The following SDC2 variants were observed in gnomAD, a reference collection of about 807,000 sequenced individuals.
The protein encoded by SDC2 is syndecan-2.
SDC2 carries 13 observed loss-of-function variants against 22.2 expected under a neutral mutation model. The observed-to-expected ratio is 0.59, with a 90% CI of 0.38 to 0.93. The LOEUF is 0.93. SDC2 is among the 40% of genes least tolerant of loss of function. The pLI is 0.00. For synonymous variants in SDC2, 94 were observed against 92.8 expected (o/e 1.01, Z -0.07); for missense variants, 235 against 246.8 (o/e 0.95, Z 0.32).
intron 1 of SDC2, among the ~76,000 whole-genome samples, chr8:96,528,647 T>G (rs2582825): frequency 0.23 from 34,837 of 152,176 alleles, 4,898 homozygotes; most frequent in African/African-American, 0.4. Context: ...CATAATGTTG[T>G]TTTTTAATCT....
intron 2 of SDC2, among the ~76,000 whole-genome samples, chr8:96,599,876 C>T (rs1814947653): frequency 6.6e-6 from 1 of 152,210 alleles, no homozygotes; most frequent in Non-Finnish European, 1.5e-5. Flanking sequence ...CACAGTGCCT[C>T]ATACCTATAA....
At chr8:96,499,733 ATT>A (rs944946257) in intron 1 of SDC2, among the ~76,000 whole-genome samples, 1 of 148,226 alleles carries the variant, frequency 6.7e-6, no homozygotes, top group African/African-American at 2.5e-5. Flanking sequence ...AAGATAGGAC[ATT>A]TTTTTTTCTT....
chr8:96,504,451 G>C (rs17711970), intron 1 of SDC2, among the ~76,000 whole-genome samples: 7,742 of 152,286 alleles, frequency 0.051, 325 homozygotes, highest in Middle Eastern at 0.2. Context: ...TTGGGGTTCA[G>C]TTTCTGGTAT....
chr8:96,601,682 G>A (rs1814989707), intron 2 of SDC2, among the ~76,000 whole-genome samples: 1 of 151,364 alleles, frequency 6.6e-6, no homozygotes, highest in Non-Finnish European at 1.5e-5. Context: ...AAACCCGGGA[G>A]AGAGGGCAAG....
intron 1 of SDC2, among the ~76,000 whole-genome samples, chr8:96,553,093 CTTTTTTACA>C (rs1031935640): frequency 6.6e-6 from 1 of 151,914 alleles, no homozygotes; most frequent in Non-Finnish European, 1.5e-5. Context: ...TAGAAAGTGC[CTTTTTTACA>C]TTGAGGGAGA....
At chr8:96,519,679 G>A (rs1291129817) in intron 1 of SDC2, among the ~76,000 whole-genome samples, 1 of 151,672 alleles carries the variant, frequency 6.6e-6, no homozygotes, top group Admixed American at 6.6e-5. Context: ...TTGAGACAGA[G>A]TCTAGCTCTG....
At chr8:96,588,425 A>G (rs1407985418) in intron 1 of SDC2, among the ~76,000 whole-genome samples, 1 of 152,216 alleles carries the variant, frequency 6.6e-6, no homozygotes, top group Non-Finnish European at 1.5e-5. Flanking sequence ...GTGTGTTGCT[A>G]GTAATAAAAT....
chr8:96,495,461 G>T (rs1480488992), intron 1 of SDC2, among the ~76,000 whole-genome samples: 1 of 152,238 alleles, frequency 6.6e-6, no homozygotes, highest in Non-Finnish European at 1.5e-5. Context: ...GTCGGGCCAG[G>T]TGGAAGCTTG....
At chr8:96,525,652 G>A (rs1287155363) in intron 1 of SDC2, among the ~76,000 whole-genome samples, 1 of 152,138 alleles carries the variant, frequency 6.6e-6, no homozygotes, top group Non-Finnish European at 1.5e-5. Flanking sequence ...TGCTCGGAAA[G>A]GTTAAAGGAC....
At chr8:96,600,619 C>T (rs1355066036) in intron 2 of SDC2, among the ~76,000 whole-genome samples, 4 of 151,986 alleles carry the variant, frequency 2.6e-5, no homozygotes, top group South Asian at 2.1e-4. Context: ...AACTGTAGAA[C>T]GGTGTTAAGA....
chr8:96,537,058 A>G (rs757787157), intron 1 of SDC2, among the ~76,000 whole-genome samples: 1 of 152,196 alleles, frequency 6.6e-6, no homozygotes, highest in African/African-American at 2.4e-5. Flanking sequence ...TCCATCTGGT[A>G]TCAGATAGAG....
rs1813007083 is a variant in SDC2 at position 96,494,129 on chromosome 8, G to A, written c.-143G>A. The A allele has an allele frequency of 1.3e-6, 1 of 791,702 alleles. No individual in the cohort carries two copies. The highest frequency in any genetic ancestry group is 1.9e-6 in the Non-Finnish European group (1 of 520,390). The allele number at this position is 791,702 out of a possible 1,614,324, so 49.0% of individuals were successfully genotyped here. On this transcript the variant is annotated 5_prime_UTR_variant, in exon 1 of 5. Coordinates refer to ENST00000302190, the MANE Select transcript of SDC2 (RefSeq NM_002998.4). ...GGAAGCGAGCGCCCCCGAGCCCCGA[G>A]CCCGAGTCCCCGAGCCTGAGCCGCA...
Position 96,610,189 on chromosome 8 carries a change from G to A in SDC2, c.*641G>A. 1 of 152,600 alleles carries A rather than the reference G, an allele frequency of 6.6e-6. No homozygotes were observed. The highest frequency in any genetic ancestry group is 1.9e-4 in the East Asian group (1 of 5,196). The allele number at this position is 152,600 out of a possible 1,614,324, so 9.5% of individuals were successfully genotyped here. A position where few individuals can be genotyped will look rare whatever the true frequency, so the allele number is the denominator to read the frequency against. ...GGCAGATTTGCAACAGCAAATTAATGTGTAAAATTGGATTATTACTACAAA... is the reference window on the plus strand; with the variant it reads ...GGCAGATTTGCAACAGCAAATTAATATGTAAAATTGGATTATTACTACAAA... On this transcript the variant is annotated 3_prime_UTR_variant, in exon 5 of 5. Transcript: ENST00000302190.
intron 1 of SDC2, among the ~76,000 whole-genome samples, chr8:96,524,432 T>C (rs1813547048): frequency 6.6e-6 from 1 of 152,102 alleles, no homozygotes; most frequent in African/African-American, 2.4e-5. Flanking sequence ...TTTTGAAAAA[T>C]CTCAAGCACA....
chr8:96,532,260 C>T (rs1813673763), intron 1 of SDC2, among the ~76,000 whole-genome samples: 1 of 152,000 alleles, frequency 6.6e-6, no homozygotes, highest in African/African-American at 2.4e-5. Flanking sequence ...GAACAGGGAG[C>T]AGTAAGGGGG....
At chr8:96,580,549 G>A in intron 1 of SDC2, 1 of 984,178 alleles carries the variant, frequency 1.0e-6, no homozygotes, top group Non-Finnish European at 1.2e-6. Context: ...CCACTCTGTG[G>A]GCAGAGGTTC....
intron 1 of SDC2, among the ~76,000 whole-genome samples, chr8:96,577,323 G>A (rs1814521806): frequency 6.6e-6 from 1 of 152,154 alleles, no homozygotes; most frequent in Admixed American, 6.5e-5. Context: ...CTAAAACCTG[G>A]TTTCACTGTA....
intron 1 of SDC2, among the ~76,000 whole-genome samples, chr8:96,571,424 C>T (rs752033744): frequency 6.6e-6 from 1 of 152,172 alleles, no homozygotes; most frequent in African/African-American, 2.4e-5. Flanking sequence ...GCTTGAATAC[C>T]ACTGCTCTGC....
At chr8:96,579,500 A>G (rs1338673056) in intron 1 of SDC2, among the ~76,000 whole-genome samples, 1 of 152,234 alleles carries the variant, frequency 6.6e-6, no homozygotes, top group Non-Finnish European at 1.5e-5. Flanking sequence ...TGGTATTTGG[A>G]AGTTCAGTCA....
Sources: gnomAD v4.1 joint callset for allele counts (sites outside exome capture counted in the v4.1 genomes callset) on GRCh38, gnomAD v4.1.1 for gene constraint, MANE v1.5 for transcripts, NCBI Gene and HGNC (gene_info 2026-07-23, HGNC 2026-07-21) for gene names.